The following NOL11 variants were observed in gnomAD, a reference collection of about 807,000 sequenced individuals.
The protein encoded by NOL11 is nucleolar protein 11.
A neutral mutation model predicts 93.0 loss-of-function variants in NOL11; 42 were observed. That is an observed-to-expected ratio of 0.45 (90% CI 0.35 to 0.58). The LOEUF (loss-of-function observed/expected upper bound fraction) is 0.58, where lower values mean the gene tolerates loss of function less well. Among genes scored for constraint, NOL11 ranks in the 20% least tolerant of loss-of-function variants. The probability of loss-of-function intolerance (pLI) is 0.00; values close to 1 mark genes in which losing one functional copy is unlikely to be tolerated. For synonymous variants in NOL11, 296 were observed against 293.7 expected, an observed-to-expected ratio of 1.01 and a Z score of -0.08; for missense variants, 775 against 841.8, an observed-to-expected ratio of 0.92 and a Z score of 0.98.
At chr17:67,742,662 T>G (rs1327555774) in intron 16 of NOL11, among the ~76,000 whole-genome samples, 1 of 152,200 alleles carries the variant, frequency 6.6e-6, no homozygotes. Flanking sequence ...ATATAGAATT[T>G]AATCTGATAT....
intron 9 of NOL11, among the ~76,000 whole-genome samples, chr17:67,736,369 G>A (rs6504528): frequency 0.84 from 127,060 of 151,984 alleles, 53,523 homozygotes; most frequent in East Asian, 0.96. Context: ...GAGCTACACT[G>A]TGTTTTGAAT....
intron 7 of NOL11, 51 bp from the exon 8 acceptor site, chr17:67,734,312 T>A: frequency 2.0e-6 from 2 of 1,015,082 alleles, no homozygotes; most frequent in East Asian, 4.8e-5. Context: ...CCCCAAAATA[T>A]CATATATTTA....
intron 16 of NOL11, among the ~76,000 whole-genome samples, chr17:67,741,488 T>G (rs2055256518): frequency 6.6e-6 from 1 of 152,152 alleles, no homozygotes; most frequent in South Asian, 2.1e-4. Flanking sequence ...CCAAAGCATG[T>G]GGATTACAGG....
At chr17:67,736,995 G>T in intron 10 of NOL11, 76 bp from the exon 11 acceptor site, 1 of 962,972 alleles carries the variant, frequency 1.0e-6, no homozygotes, top group Non-Finnish European at 1.7e-6. Context: ...TCTCTTTGGA[G>T]TGTTTCATAT....
intron 7 of NOL11, chr17:67,727,047 T>C (rs1223521578): frequency 6.4e-6 from 1 of 155,062 alleles, no homozygotes; most frequent in East Asian, 1.9e-4. Context: ...ATAGTGTACC[T>C]TTGGACTCCG....
Position 67,717,969 on chromosome 17 carries a change from T to A in NOL11, c.22T>A (p.Phe8Ile), listed in dbSNP as rs2043187751. 3.7e-6 allele frequency: 6 copies of A among 1,614,192 alleles called. No homozygotes were observed. In the East Asian group the frequency reaches 1.1e-4, roughly 30 times the overall value. Residue 8 changes from phenylalanine to isoleucine, a missense_variant, in exon 1 of 18, where the codon TTC becomes ATC. By Grantham distance (21) the Phe-to-Ile change is conservative (BLOSUM62 0). Transcript: ENST00000253247. MAALEEE[F>I]TLSSVVLSAG... ...CAAAATGGCAGCGCTGGAGGAAGAATTCACGTTGTCTTCGGTAGTCCTGAG... is the reference window on the plus strand; with the variant it reads ...CAAAATGGCAGCGCTGGAGGAAGAAATCACGTTGTCTTCGGTAGTCCTGAG...
chr17:67,724,919 A>G (rs2055075576), intron 6 of NOL11, among the ~76,000 whole-genome samples: 2 of 152,162 alleles, frequency 1.3e-5, no homozygotes, highest in African/African-American at 2.4e-5. Context: ...TTAGCCAGGC[A>G]TGGTGGCGGG....
At chr17:67,733,674 T>C (rs1263528766) in intron 7 of NOL11, among the ~76,000 whole-genome samples, 1 of 152,120 alleles carries the variant, frequency 6.6e-6, no homozygotes, top group Admixed American at 6.5e-5. Context: ...TTTTCCTAGC[T>C]CTCTGAGTTT....
chr17:67,736,560 CTCTT>C, intron 9 of NOL11, 102 bp from the exon 10 acceptor site: 1 of 686,046 alleles, frequency 1.5e-6, no homozygotes, highest in Non-Finnish European at 2.5e-6. Flanking sequence ...TTCAAAGCCT[CTCTT>C]AAATTGTATG....
intron 13 of NOL11, 35 bp downstream of exon 13, chr17:67,738,007 A>G (rs371022954): frequency 1.3e-6 from 2 of 1,577,100 alleles, no homozygotes; most frequent in Non-Finnish European, 1.7e-6. Context: ...TTTCTTCACT[A>G]CATTTATAAT....
intron 13 of NOL11, 49 bp from the exon 14 acceptor site, chr17:67,738,073 A>G: frequency 6.5e-7 from 1 of 1,550,232 alleles, no homozygotes; most frequent in Non-Finnish European, 8.7e-7. Flanking sequence ...AATTTTTCCC[A>G]AAAGCTTGGT....
chr17:67,737,599 T>A lies in NOL11; in HGVS notation c.1310T>A (p.Val437Glu), dbSNP rs1054036370. The change falls in exon 12 of 18, where the codon GTA becomes GAA. Residue 437 changes from valine (V) to glutamate (E), a missense_variant. Physicochemically the swap from Val to Glu is moderately radical, Grantham distance 121. Coordinates refer to ENST00000253247, the MANE Select transcript of NOL11 (RefSeq NM_015462.5). ...PDFHTVIGDT[V>E]TGLLERCKAE... ...TTTCATACTGTCATTGGGGACACAG[T>A]AACAGGACTTCTGGAAAGGTGTAAA... 10 of 1,614,064 alleles carry A rather than the reference T, an allele frequency of 6.2e-6. No homozygotes were observed. The highest frequency in any genetic ancestry group is 8.5e-6 in the Non-Finnish European group (10 of 1,180,014).
At chr17:67,730,657 ATGGG>A (rs2055146150) in intron 7 of NOL11, among the ~76,000 whole-genome samples, 3 of 152,036 alleles carry the variant, frequency 2.0e-5, no homozygotes, top group Non-Finnish European at 2.9e-5. Context: ...TTTAATTTTT[ATGGG>A]TACATAACAG....
intron 5 of NOL11, among the ~76,000 whole-genome samples, chr17:67,723,248 G>A (rs1567799064): frequency 6.6e-6 from 1 of 151,864 alleles, no homozygotes; most frequent in Non-Finnish European, 1.5e-5. Context: ...CCAACCTCAG[G>A]TGATCCACCC....
chr17:67,727,233 A>G (rs191478661), intron 7 of NOL11, among the ~76,000 whole-genome samples: 8 of 152,360 alleles, frequency 5.3e-5, no homozygotes, highest in Non-Finnish European at 1.0e-4. Flanking sequence ...TTCACAGCCT[A>G]GACCTGTCCA....
At chr17:67,720,971 C>G (rs188941272) in intron 3 of NOL11, among the ~76,000 whole-genome samples, 1 of 152,112 alleles carries the variant, frequency 6.6e-6, no homozygotes, top group African/African-American at 2.4e-5. Flanking sequence ...TCCTCACACA[C>G]GGTGTTAACT....
At position 67,718,091 on chromosome 17, in the gene NOL11, GA is replaced by G; in HGVS notation, c.141+5del. The G allele has an allele frequency of 6.2e-7, 1 of 1,613,606 alleles. No homozygotes were observed. The highest frequency in any genetic ancestry group is 8.5e-7 in the Non-Finnish European group (1 of 1,179,694). On this transcript the variant is annotated splice_donor_region_variant and intron_variant, in intron 1 of 17. Transcript: ENST00000253247. ...GCAGGACAGTCATCCTCTATAAGGT[GA>G]AGGCAATAGGTTTGGGAGCGCCCCG...
At chr17:67,721,689 A>G (rs1021228697) in intron 4 of NOL11, among the ~76,000 whole-genome samples, 163 bp downstream of exon 4, 1 of 152,264 alleles carries the variant, frequency 6.6e-6, no homozygotes, top group Non-Finnish European at 1.5e-5. Context: ...GCCTCTGGGC[A>G]TGAAGATTGA....
rs375089506 is a variant in NOL11, at chr17:67,737,527, T to A, written c.1238T>A (p.Ile413Asn). 1.2e-6 allele frequency: 2 copies of A among 1,603,424 alleles called. No homozygotes were observed. Among genetic ancestry groups the A allele is most frequent in the African/African-American group, 2.7e-5 (2 of 74,294 alleles). Residue 413 changes from isoleucine to asparagine, a missense_variant, in exon 12 of 18, where the codon ATT (isoleucine) becomes AAT (asparagine). Physicochemically the swap from Ile to Asn is moderately radical, Grantham distance 149. Around this residue, in one of 2 missense-constraint regions of NOL11, gnomAD observed 416 missense variants for 525.2 expected, o/e 0.79. Transcript: ENST00000253247. The part of the protein sequence containing the change: ...STIMKDSEKH[I>N]EVEVRKFLAL... ...TTTCAGAAAGATTCAGAAAAACACATTGAAGTAGAAGTACGGAAATTTTTG... is the reference window on the plus strand; with the variant it reads ...TTTCAGAAAGATTCAGAAAAACACAATGAAGTAGAAGTACGGAAATTTTTG...
Sources: allele counts gnomAD v4.1 joint callset (sites outside exome capture counted in the v4.1 genomes callset), GRCh38; gene constraint gnomAD v4.1.1; regional missense constraint gnomAD v4.1.1; transcripts MANE v1.5; gene names NCBI Gene and HGNC (gene_info 2026-07-23, HGNC 2026-07-21).